Variants in BMPR2 observed in about 807,000 individuals in gnomAD.
BMPR2 encodes bone morphogenetic protein receptor type 2.
In BMPR2, 29 loss-of-function variants were observed where a neutral mutation model predicts 100.8. The observed-to-expected ratio is 0.29, with a 90% CI of 0.21 to 0.39. BMPR2 has a LOEUF of 0.39. Ranked by LOEUF, BMPR2 falls within the 10% of genes least tolerant of loss-of-function variation. BMPR2 has a pLI of 1.00. For synonymous variants in BMPR2, 382 were observed against 442.3 expected, an observed-to-expected ratio of 0.86 and a Z score of 1.71; for missense variants, 1,011 against 1,274.5, an observed-to-expected ratio of 0.79 and a Z score of 3.15.
chr2:202,492,090 C>CA (rs964594205), intron 3 of BMPR2, among the ~76,000 whole-genome samples: 7 of 151,756 alleles, frequency 4.6e-5, no homozygotes, highest in African/African-American at 1.2e-4. Flanking sequence ...CAGAAATAGG[C>CA]AAAAAAACTC....
chr2:202,564,911 T>C lies in BMPR2; in HGVS notation c.*4965T>C, dbSNP rs1487017684. The stretch of plus-strand genomic sequence containing the variant: ...AATACAAATAATTAGCCAGGCATGG[T>C]GGCACGCGCCTGTAGTCCCAGCTAC... On this transcript the variant is annotated 3_prime_UTR_variant, in exon 13 of 13. Transcript: ENST00000374580. 1 of 152,148 alleles carries C rather than the reference T, an allele frequency of 6.6e-6. No homozygotes were observed. The highest frequency in any genetic ancestry group is 1.5e-5 in the Non-Finnish European group (1 of 68,056). 9.4% of individuals were successfully genotyped at this position (152,148 alleles called of 1,614,324 possible).
At chr2:202,524,443 C>T (rs1222195806) in intron 7 of BMPR2, among the ~76,000 whole-genome samples, 1 of 151,624 alleles carries the variant, frequency 6.6e-6, no homozygotes, top group South Asian at 2.1e-4. Flanking sequence ...CAAACCTCAG[C>T]ATCATACTAT....
chr2:202,406,497 C>T (rs2105913963), intron 1 of BMPR2, among the ~76,000 whole-genome samples: 1 of 152,290 alleles, frequency 6.6e-6, no homozygotes, highest in South Asian at 2.1e-4. Context: ...GAATTTAAGG[C>T]CCAGGCCATA....
intron 3 of BMPR2, among the ~76,000 whole-genome samples, chr2:202,484,049 G>A (rs1692718083): frequency 6.6e-6 from 1 of 152,202 alleles, no homozygotes; most frequent in South Asian, 2.1e-4. Flanking sequence ...AGGTGTGACT[G>A]CACTCAGGCA....
At chr2:202,402,890 G>A (rs1235707767) in intron 1 of BMPR2, among the ~76,000 whole-genome samples, 2 of 151,068 alleles carry the variant, frequency 1.3e-5, no homozygotes, top group Non-Finnish European at 2.9e-5. Context: ...GTGCAATGGC[G>A]CGATCTCAGC....
rs1201418956 is a variant in BMPR2 at position 202,556,349 on chromosome 2, T to C, written c.2684T>C (p.Leu895Pro). Residue 895 changes from leucine (L) to proline (P), a missense_variant, in exon 12 of 13, where the codon CTA becomes CCA. Physicochemically the swap from Leu to Pro is moderately conservative, Grantham distance 98. Coordinates refer to ENST00000374580, the MANE Select transcript of BMPR2 (RefSeq NM_001204.7). ...CTTGTGGACAGGAGGGAACGGCCAC[T>C]AGAAGGTGGCCGAACTAATTCCAAT... ...DRLVDRRERP[L>P]EGGRTNSNNN... is the part of the protein sequence containing the mutation. 6.2e-7 allele frequency: 1 copy of C among 1,614,212 alleles called. No individual in the cohort carries two copies. The highest frequency in any genetic ancestry group is 1.3e-5 in the African/African-American group (1 of 75,058).
chr2:202,405,483 T>C (rs1690870181), intron 1 of BMPR2, among the ~76,000 whole-genome samples: 1 of 151,776 alleles, frequency 6.6e-6, no homozygotes, highest in Non-Finnish European at 1.5e-5. Context: ...GGTCAGGAGA[T>C]CGAGACCATC....
At chr2:202,385,173 T>G (rs1205733313) in intron 1 of BMPR2, among the ~76,000 whole-genome samples, 1 of 152,078 alleles carries the variant, frequency 6.6e-6, no homozygotes, top group Non-Finnish European at 1.5e-5. Context: ...GTGTTCAGTC[T>G]TTGCTTTTGT....
chr2:202,421,786 A>T (rs1043295189), intron 1 of BMPR2, among the ~76,000 whole-genome samples: 1 of 152,046 alleles, frequency 6.6e-6, no homozygotes, highest in African/African-American at 2.4e-5. Context: ...ATGTTGGGAA[A>T]ACACAACTGG....
intron 3 of BMPR2, among the ~76,000 whole-genome samples, chr2:202,507,517 G>A (rs911494677): frequency 6.6e-6 from 1 of 151,676 alleles, no homozygotes; most frequent in Non-Finnish European, 1.5e-5. Context: ...AGCCTCCCAA[G>A]TAACTGGGAC....
At chr2:202,533,535 T>TA (rs1056022256) in intron 9 of BMPR2, among the ~76,000 whole-genome samples, 2 of 148,838 alleles carry the variant, frequency 1.3e-5, no homozygotes, top group South Asian at 2.1e-4. Flanking sequence ...CTCAAAAAAA[T>TA]AAAAAAAGGC....
At chr2:202,507,920 G>A (rs1418754787) in intron 3 of BMPR2, among the ~76,000 whole-genome samples, 2 of 150,770 alleles carry the variant, frequency 1.3e-5, no homozygotes, top group East Asian at 3.9e-4. Flanking sequence ...GGCTGGTCTC[G>A]AGCTCCTGAC....
intron 9 of BMPR2, among the ~76,000 whole-genome samples, chr2:202,537,954 TC>T (rs1688194236): frequency 6.6e-6 from 1 of 151,124 alleles, no homozygotes; most frequent in Non-Finnish European, 1.5e-5. Context: ...GAAACCCCGC[TC>T]TACTACAAAT....
chr2:202,541,261 C>G (rs1300163005), intron 9 of BMPR2, among the ~76,000 whole-genome samples: 1 of 151,614 alleles, frequency 6.6e-6, no homozygotes, highest in East Asian at 1.9e-4. Flanking sequence ...GGCAACACGG[C>G]AAGACCTTAT....
rs1311807483 is a variant in BMPR2, at chr2:202,561,860, G to A, written c.*1914G>A. 1 of 152,114 alleles carries A rather than the reference G, an allele frequency of 6.6e-6. No individual in the cohort carries two copies. Among genetic ancestry groups the A allele is most frequent in the African/African-American group, 2.4e-5 (1 of 41,428 alleles). The allele number at this position is 152,114 out of a possible 1,614,324, so 9.4% of individuals were successfully genotyped here. Reference sequence around the variant, plus strand: ...CTACCATTTATTCAGCTGGATTGCTGAACACAGTTCTGGATTCATAGAATT... The same window carrying A: ...CTACCATTTATTCAGCTGGATTGCTAAACACAGTTCTGGATTCATAGAATT... On this transcript the variant is annotated 3_prime_UTR_variant, in exon 13 of 13. Transcript: ENST00000374580.
At chr2:202,536,642 G>A (rs1355787393) in intron 9 of BMPR2, among the ~76,000 whole-genome samples, 1 of 152,016 alleles carries the variant, frequency 6.6e-6, no homozygotes, top group African/African-American at 2.4e-5. Flanking sequence ...GGAGGCCGAG[G>A]CAAGTGTATC....
At chr2:202,480,472 G>GT (rs1187511648) in intron 3 of BMPR2, among the ~76,000 whole-genome samples, 2 of 151,996 alleles carry the variant, frequency 1.3e-5, no homozygotes, top group East Asian at 1.9e-4. Flanking sequence ...TTGCTGTTGT[G>GT]TTTTTTTCTT....
chr2:202,384,526 C>G (rs984735969), intron 1 of BMPR2, among the ~76,000 whole-genome samples: 8 of 132,042 alleles, frequency 6.1e-5, no homozygotes, highest in Non-Finnish European at 8.0e-5. Flanking sequence ...TTCTTTCTTT[C>G]TTTCTCTTTC....
chr2:202,519,284 A>G (rs1296614952), intron 6 of BMPR2, among the ~76,000 whole-genome samples: 2 of 151,972 alleles, frequency 1.3e-5, no homozygotes, highest in African/African-American at 4.8e-5. Flanking sequence ...AATTGCTTGA[A>G]CCCGGTAGGC....
Sources: gnomAD v4.1 joint callset for allele counts (sites outside exome capture counted in the v4.1 genomes callset) on GRCh38, gnomAD v4.1.1 for gene constraint, MANE v1.5 for transcripts, NCBI Gene and HGNC (gene_info 2026-07-23, HGNC 2026-07-21) for gene names.